Variants in FIGN observed in about 807,000 individuals in gnomAD.
The protein encoded by FIGN is fidgetin.
FIGN carries 11 observed loss-of-function variants against 51.3 expected under a neutral mutation model. The ratio of observed to expected loss-of-function variants is 0.21; its 90% CI spans 0.13 to 0.35. The LOEUF is 0.35. FIGN is among the 10% of genes least tolerant of loss of function. The probability of loss-of-function intolerance (pLI) is 1.00; values close to 1 mark genes in which losing one functional copy is unlikely to be tolerated. For missense variants in FIGN, 857 were observed against 943.6 expected (o/e 0.91, Z 1.20); for synonymous variants, 407 against 363.2 (o/e 1.12, Z -1.37).
At position 163,602,958 on chromosome 2, in the gene FIGN, G is replaced by A. The variant is rs1265056191; in HGVS notation, c.*6594C>T. ...GAAACTGCAACAATGAGGACAAAAA[G>A]CATTTTCAGATCTCCAAGTTAATTG... On this transcript the variant is annotated 3_prime_UTR_variant, in exon 3 of 3. Transcript: ENST00000333129. The A allele has an allele frequency of 2.6e-5, 4 of 151,730 alleles. No homozygotes were observed. Among genetic ancestry groups the A allele is most frequent in the Non-Finnish European group, 5.9e-5 (4 of 67,932 alleles). The allele number at this position is 151,730 out of a possible 1,614,324, so 9.4% of individuals were successfully genotyped here.
chr2:163,615,803 A>G (rs1020442942), intron 2 of FIGN, among the ~76,000 whole-genome samples: 2 of 152,226 alleles, frequency 1.3e-5, no homozygotes, highest in African/African-American at 4.8e-5. Context: ...AAAAATTCAG[A>G]AAACAGTGGA....
intron 2 of FIGN, among the ~76,000 whole-genome samples, chr2:163,730,981 C>A (rs1028471306): frequency 3.3e-5 from 5 of 152,030 alleles, no homozygotes; most frequent in African/African-American, 1.2e-4. Context: ...TCTATTAAAC[C>A]AAGGTTCTAA....
At chr2:163,725,076 C>T (rs1163509666) in intron 2 of FIGN, among the ~76,000 whole-genome samples, 2 of 152,104 alleles carry the variant, frequency 1.3e-5, no homozygotes, top group Non-Finnish European at 2.9e-5. Flanking sequence ...CCTATTCCTA[C>T]ATGTTGTCCA....
Position 163,609,454 on chromosome 2 carries a change from C to T in FIGN, c.*98G>A. On this transcript the variant is annotated 3_prime_UTR_variant, in exon 3 of 3. Coordinates refer to ENST00000333129, the MANE Select transcript of FIGN (RefSeq NM_018086.4). ...TCGTCATCTTCCCCAGTACCCTTTGCAATTTAAACTCTACTGGAAAGGGGC... is the reference window on the plus strand; with the variant it reads ...TCGTCATCTTCCCCAGTACCCTTTGTAATTTAAACTCTACTGGAAAGGGGC... 9.7e-7 allele frequency: 1 copy of T among 1,035,496 alleles called. No homozygotes were observed. Among genetic ancestry groups the T allele is most frequent in the East Asian group, 2.5e-5 (1 of 40,628 alleles). The allele number at this position is 1,035,496 out of a possible 1,614,324, so 64.1% of individuals were successfully genotyped here. A position where few individuals can be genotyped will look rare whatever the true frequency, so the allele number is the denominator to read the frequency against.
At chr2:163,661,197 A>T (rs1277160503) in intron 2 of FIGN, among the ~76,000 whole-genome samples, 2 of 150,274 alleles carry the variant, frequency 1.3e-5, no homozygotes, top group Admixed American at 1.3e-4. Context: ...TTTTTTTAAA[A>T]CTATGATTAC....
chr2:163,638,925 T>C, intron 2 of FIGN, among the ~76,000 whole-genome samples: 1 of 152,188 alleles, frequency 6.6e-6, no homozygotes. Context: ...AAACATCTAA[T>C]TTAATTGTAA....
chr2:163,704,646 TCTCTCTCTCTCACA>T (rs1177449814), intron 2 of FIGN, among the ~76,000 whole-genome samples: 2 of 132,482 alleles, frequency 1.5e-5, no homozygotes, highest in Non-Finnish European at 1.6e-5. Context: ...TCTCTCTCTC[TCTCTCTCTCTCACA>T]CACACACACA....
At chr2:163,680,153 A>G (rs1303294226) in intron 2 of FIGN, among the ~76,000 whole-genome samples, 1 of 152,214 alleles carries the variant, frequency 6.6e-6, no homozygotes, top group Non-Finnish European at 1.5e-5. Flanking sequence ...TTTTAGATAC[A>G]ACAGGGACTA....
chr2:163,627,856 C>T (rs2105308818), intron 2 of FIGN, among the ~76,000 whole-genome samples: 1 of 152,268 alleles, frequency 6.6e-6, no homozygotes, highest in South Asian at 2.1e-4. Flanking sequence ...TTACTATCCC[C>T]CATTGCTCAC....
rs79471990 is a variant in FIGN, at chr2:163,703,479, C to T, written c.25+31424G>A. ...ACATTTTTCATTTTCTATTTTAAAA[C>T]GAAAACCAGTTACTTTTGAGTCAAC... On this transcript the variant is annotated intron_variant, in intron 2 of 2. Transcript: ENST00000333129. 8.3e-3 allele frequency among the ~76,000 whole-genome samples: 1,260 copies of T among 152,144 alleles called. 13 individuals carry two copies. Among genetic ancestry groups the T allele is most frequent in the African/African-American group, 0.028 (1,161 of 41,528 alleles).
At position 163,686,795 on chromosome 2, in the gene FIGN, CATAT is replaced by C. The variant is rs771554104; in HGVS notation, c.25+48104_25+48107del. Among the ~76,000 whole-genome samples, 661 of 150,312 alleles carry C rather than the reference CATAT, an allele frequency of 4.4e-3. 4 individuals are homozygous for C. Among genetic ancestry groups the C allele is most frequent in the African/African-American group, 0.012 (501 of 40,968 alleles). ...ATACACATACACACACACACACACACATATATATATATTCTTTTTAAAGTGATAA... is the reference window on the plus strand; with the variant it reads ...ATACACATACACACACACACACACACATATATATTCTTTTTAAAGTGATAA... On this transcript the variant is annotated intron_variant, in intron 2 of 2. Transcript: ENST00000333129.
chr2:163,659,974 A>T (rs968783315), intron 2 of FIGN, among the ~76,000 whole-genome samples: 9 of 152,198 alleles, frequency 5.9e-5, no homozygotes, highest in Admixed American at 2.0e-4. Flanking sequence ...TGGTGGCACA[A>T]GCCTGTAATC....
rs538934984 is a variant in FIGN, at chr2:163,608,015, G to A, written c.*1537C>T. On this transcript the variant is annotated 3_prime_UTR_variant, in exon 3 of 3. Transcript: ENST00000333129. ...GGTGGAAGTAAGCACAAATGCTGATGTCTTTGGAAACTAGATTTACGGTGA... is the reference window on the plus strand; with the variant it reads ...GGTGGAAGTAAGCACAAATGCTGATATCTTTGGAAACTAGATTTACGGTGA... 1 of 152,774 alleles carries A rather than the reference G, an allele frequency of 6.5e-6. No homozygotes were observed. The highest frequency in any genetic ancestry group is 1.9e-4 in the East Asian group (1 of 5,188). The allele number at this position is 152,774 out of a possible 1,614,324, so 9.5% of individuals were successfully genotyped here.
At chr2:163,683,367 A>T (rs963755521) in intron 2 of FIGN, among the ~76,000 whole-genome samples, 1 of 152,192 alleles carries the variant, frequency 6.6e-6, no homozygotes, top group African/African-American at 2.4e-5. Context: ...TTGTTGTTTC[A>T]AAGATTGTTG....
intron 2 of FIGN, among the ~76,000 whole-genome samples, chr2:163,682,424 G>T (rs981867555): frequency 6.6e-6 from 1 of 152,196 alleles, no homozygotes; most frequent in Non-Finnish European, 1.5e-5. Flanking sequence ...CTTTGTCTAT[G>T]CTGGAGGAGA....
chr2:163,711,451 G>A (rs574695375), intron 2 of FIGN, among the ~76,000 whole-genome samples: 2 of 152,146 alleles, frequency 1.3e-5, no homozygotes, highest in African/African-American at 4.8e-5. Flanking sequence ...ACAGGGACGC[G>A]AGAAGTAGTT....
chr2:163,641,072 G>A (rs534733927), intron 2 of FIGN, among the ~76,000 whole-genome samples: 6 of 152,270 alleles, frequency 3.9e-5, no homozygotes, highest in South Asian at 4.1e-4. Flanking sequence ...AACGTGCTAC[G>A]CTGGGCTTTA....
intron 2 of FIGN, among the ~76,000 whole-genome samples, chr2:163,690,342 A>G (rs1205283775): frequency 6.6e-6 from 1 of 152,188 alleles, no homozygotes; most frequent in Non-Finnish European, 1.5e-5. Flanking sequence ...TAAAAATCAA[A>G]TAAAGTATCG....
chr2:163,651,105 C>T (rs138169690), intron 2 of FIGN, among the ~76,000 whole-genome samples: 9 of 152,246 alleles, frequency 5.9e-5, no homozygotes, highest in Non-Finnish European at 8.8e-5. Context: ...TAAAATTGTC[C>T]TTTCATTGCT....
Sources: gnomAD v4.1 joint callset for allele counts (sites outside exome capture counted in the v4.1 genomes callset) on GRCh38, gnomAD v4.1.1 for gene constraint, MANE v1.5 for transcripts, NCBI Gene and HGNC (gene_info 2026-07-23, HGNC 2026-07-21) for gene names.